Variants in MEGF11 observed in about 807,000 individuals in gnomAD.
The protein encoded by MEGF11 is multiple EGF like domains 11.
Under a neutral mutation model 146.6 loss-of-function variants are expected in MEGF11, and 126 were observed. The ratio of observed to expected loss-of-function variants is 0.86; its 90% CI spans 0.74 to 1.00. MEGF11 has a LOEUF of 1.00. Among genes scored for constraint, MEGF11 ranks in the 50% least tolerant of loss-of-function variants. The pLI, the probability that MEGF11 is intolerant of heterozygous loss-of-function variation, is 0.00. For missense variants in MEGF11, 1,509 were observed against 1,521.2 expected (o/e 0.99, Z 0.13); for synonymous variants, 532 against 583.4 (o/e 0.91, Z 1.27).
intron 10 of MEGF11, among the ~76,000 whole-genome samples, chr15:65,935,059 G>A (rs768245145): frequency 6.6e-6 from 1 of 152,082 alleles, no homozygotes; most frequent in African/African-American, 2.4e-5. Flanking sequence ...GATGGCTCAG[G>A]CCTGTAATCC....
intron 5 of MEGF11, among the ~76,000 whole-genome samples, chr15:65,983,406 A>G (rs2081733903): frequency 1.3e-5 from 2 of 152,186 alleles, no homozygotes; most frequent in Non-Finnish European, 2.9e-5. Flanking sequence ...ACCCTCCCCG[A>G]TGCATATGGG....
At chr15:65,990,867 G>A (rs1260266689) in intron 5 of MEGF11, among the ~76,000 whole-genome samples, 1 of 152,286 alleles carries the variant, frequency 6.6e-6, no homozygotes, top group Admixed American at 6.5e-5. Context: ...AGGGATAGGA[G>A]GTGTGTTTGT....
At position 66,133,551 on chromosome 15, in the gene MEGF11, G is replaced by A. The variant is rs567797456; in HGVS notation, c.-8-5140C>T. ...GGGCAAATGCCAAGGTTATCGCCCC[G>A]TCTAGTGGCCTTCCCCTTCCTCTGC... On this transcript the variant is annotated intron_variant, in intron 1 of 25. Transcript: ENST00000395614. 1.5e-4 allele frequency among the ~76,000 whole-genome samples: 23 copies of A among 152,162 alleles called. 1 individual carries two copies. The highest frequency in any genetic ancestry group is 4.1e-4 in the South Asian group (2 of 4,826).
intron 5 of MEGF11, among the ~76,000 whole-genome samples, chr15:65,986,477 C>T (rs2081860480): frequency 1.3e-5 from 2 of 152,018 alleles, no homozygotes; most frequent in South Asian, 2.1e-4. Context: ...AGAAATTTCC[C>T]ACCAGAGTGA....
intron 1 of MEGF11, among the ~76,000 whole-genome samples, chr15:66,129,987 A>G (rs1026365669): frequency 6.6e-6 from 1 of 152,178 alleles, no homozygotes; most frequent in Non-Finnish European, 1.5e-5. Flanking sequence ...CAATGTGCAG[A>G]GTCCAGGAGT....
At chr15:65,960,018 A>G (rs1429981259) in intron 9 of MEGF11, among the ~76,000 whole-genome samples, 1 of 152,226 alleles carries the variant, frequency 6.6e-6, no homozygotes, top group Non-Finnish European at 1.5e-5. Context: ...GTTTCTCAAA[A>G]TGTTTAATGA....
intron 5 of MEGF11, among the ~76,000 whole-genome samples, chr15:66,079,289 C>G (rs988451061): frequency 1.3e-5 from 2 of 152,178 alleles, no homozygotes; most frequent in African/African-American, 2.4e-5. Flanking sequence ...CCCCTCCTTT[C>G]CTGGTGGGCA....
chr15:65,916,772 C>T (rs980647839), intron 17 of MEGF11, 56 bp downstream of exon 17: 3 of 1,589,406 alleles, frequency 1.9e-6, no homozygotes, highest in African/African-American at 2.7e-5. Flanking sequence ...CCACAGTGGC[C>T]AGTAGGCCGC....
Position 65,909,195 on chromosome 15 carries a change from A to C in MEGF11, c.2897-60T>G, listed in dbSNP as rs12439404. On this transcript the variant is annotated intron_variant, in intron 22 of 25. Transcript: ENST00000395614. Reference sequence around the variant, plus strand: ...CCCAGGGCCCTGGTATAGCAGGGGAAGGGGGTAGGAAGTACACAAGTGGGC... The same window carrying C: ...CCCAGGGCCCTGGTATAGCAGGGGACGGGGGTAGGAAGTACACAAGTGGGC... 2.5e-6 allele frequency: 3 copies of C among 1,216,646 alleles called. No homozygotes were observed. The East Asian group carries it at 7.6e-5, about 31-fold the overall frequency. The allele number at this position is 1,216,646 out of a possible 1,614,324, so 75.4% of individuals were successfully genotyped here. A position where few individuals can be genotyped will look rare whatever the true frequency, so the allele number is the denominator to read the frequency against.
intron 5 of MEGF11, 21 bp downstream of exon 5, chr15:66,094,381 A>G: frequency 6.5e-7 from 1 of 1,545,754 alleles, no homozygotes; most frequent in Non-Finnish European, 8.8e-7. Context: ...GTGCCTCCTG[A>G]CCCCCAAACC....
chr15:65,906,229 C>G, intron 23 of MEGF11, 88 bp from the exon 24 acceptor site: 1 of 950,576 alleles, frequency 1.1e-6, no homozygotes, highest in South Asian at 1.5e-5. Context: ...CTTGCTTTTC[C>G]CCCCCCTTCT....
At chr15:66,201,946 C>CAAAAAA (rs71139471) in intron 1 of MEGF11, among the ~76,000 whole-genome samples, 6 of 31,798 alleles carry the variant, frequency 1.9e-4, no homozygotes, top group African/African-American at 4.2e-4. Context: ...GACTCCATCT[C>CAAAAAA]AAAAAAAAAA....
intron 4 of MEGF11, among the ~76,000 whole-genome samples, chr15:66,113,001 AAAC>A (rs1468616014): frequency 1.3e-5 from 2 of 152,232 alleles, no homozygotes; most frequent in Non-Finnish European, 2.9e-5. Context: ...ATTTAAATTT[AAAC>A]AATAATTGTG....
chr15:66,112,046 C>T (rs114011759), intron 4 of MEGF11, among the ~76,000 whole-genome samples: 1 of 143,716 alleles, frequency 7.0e-6, no homozygotes, highest in Non-Finnish European at 1.5e-5. Flanking sequence ...CAATTTGGGG[C>T]ATAAGGGAGG....
chr15:66,118,637 T>C (rs2087852980), intron 4 of MEGF11, among the ~76,000 whole-genome samples: 1 of 152,142 alleles, frequency 6.6e-6, no homozygotes, highest in Admixed American at 6.5e-5. Context: ...ATCCAACAAC[T>C]CAGCCTTCCT....
intron 5 of MEGF11, among the ~76,000 whole-genome samples, chr15:66,081,873 C>A (rs887398851): frequency 1.3e-5 from 2 of 152,126 alleles, no homozygotes; most frequent in Non-Finnish European, 2.9e-5. Flanking sequence ...GGAGGTGGGA[C>A]CTGTGTCGAG....
intron 24 of MEGF11, chr15:65,902,156 T>C (rs770506736): frequency 6.6e-6 from 1 of 152,230 alleles, no homozygotes; most frequent in Non-Finnish European, 1.5e-5. Context: ...GTTAGGGCAG[T>C]AGGAGAGCCT....
At chr15:66,030,464 C>T (rs1318233879) in intron 5 of MEGF11, among the ~76,000 whole-genome samples, 1 of 152,174 alleles carries the variant, frequency 6.6e-6, no homozygotes, top group African/African-American at 2.4e-5. Flanking sequence ...GGTTGCAGTG[C>T]AGTGGCATGA....
At chr15:66,054,025 C>G (rs1389333328) in intron 5 of MEGF11, among the ~76,000 whole-genome samples, 1 of 152,004 alleles carries the variant, frequency 6.6e-6, no homozygotes, top group East Asian at 1.9e-4. Flanking sequence ...GCCCGGCCTC[C>G]CTGACCCCTT....
Sources: gnomAD v4.1 joint callset for allele counts (sites outside exome capture counted in the v4.1 genomes callset) on GRCh38, gnomAD v4.1.1 for gene constraint, MANE v1.5 for transcripts, NCBI Gene and HGNC (gene_info 2026-07-23, HGNC 2026-07-21) for gene names.